Variants in KSR2 observed in about 807,000 individuals in gnomAD.
The protein encoded by KSR2 is kinase suppressor of ras 2.
Under a neutral mutation model 107.8 loss-of-function variants are expected in KSR2, and 25 were observed. The observed-to-expected ratio is 0.23, with a 90% CI of 0.17 to 0.32. The LOEUF is 0.32. Ranked by LOEUF, KSR2 falls within the 10% of genes least tolerant of loss-of-function variation. The pLI, the probability that KSR2 is intolerant of heterozygous loss-of-function variation, is 1.00. For missense variants in KSR2, 887 were observed against 1,268.9 expected (o/e 0.70, Z 4.57); for synonymous variants, 480 against 507.0 (o/e 0.95, Z 0.71).
At chr12:117,814,563 G>A (rs1409928514) in intron 3 of KSR2, among the ~76,000 whole-genome samples, 1 of 152,026 alleles carries the variant, frequency 6.6e-6, no homozygotes, top group Non-Finnish European at 1.5e-5. Flanking sequence ...TGCACAATGG[G>A]TACCTCAAAA....
chr12:117,525,745 A>C (rs957197331), intron 13 of KSR2, among the ~76,000 whole-genome samples: 9 of 152,246 alleles, frequency 5.9e-5, no homozygotes, highest in Admixed American at 1.3e-4. Flanking sequence ...CATGTAACAC[A>C]TGACAACTGC....
intron 4 of KSR2, among the ~76,000 whole-genome samples, chr12:117,720,645 G>A (rs1206994207): frequency 6.6e-6 from 1 of 152,178 alleles, no homozygotes; most frequent in Non-Finnish European, 1.5e-5. Context: ...TTAACCAAGG[G>A]CTCAAACATC....
chr12:117,734,318 T>C (rs940291860), intron 4 of KSR2, among the ~76,000 whole-genome samples: 3 of 148,658 alleles, frequency 2.0e-5, no homozygotes, highest in Admixed American at 6.7e-5. Flanking sequence ...ACTACACGAC[T>C]ACACAGAGGC....
intron 1 of KSR2, among the ~76,000 whole-genome samples, chr12:117,916,422 C>T (rs1895177550): frequency 6.6e-6 from 1 of 152,148 alleles, no homozygotes; most frequent in African/African-American, 2.4e-5. Context: ...CAGGCATGAG[C>T]CACCCCACCC....
chr12:117,948,898 A>C (rs1222553961), intron 1 of KSR2, among the ~76,000 whole-genome samples: 6 of 152,158 alleles, frequency 3.9e-5, no homozygotes, highest in Non-Finnish European at 7.3e-5. Context: ...GTTAAAGACC[A>C]GCCTGGCCAA....
At position 117,465,434 on chromosome 12, in the gene KSR2, G is replaced by A. The variant is rs1383323989; in HGVS notation, c.*1765C>T. Reference sequence around the variant, plus strand: ...TGGGAGTGTTGGAAAGGCAATTCAGGAGGGCCCTTTGGGAAACACAGGGGT... The same window carrying A: ...TGGGAGTGTTGGAAAGGCAATTCAGAAGGGCCCTTTGGGAAACACAGGGGT... On this transcript the variant is annotated 3_prime_UTR_variant, in exon 20 of 20. Coordinates refer to ENST00000339824, the MANE Select transcript of KSR2 (RefSeq NM_173598.6). 6.6e-6 allele frequency: 1 copy of A among 152,218 alleles called. No homozygotes were observed. Among genetic ancestry groups the A allele is most frequent in the Admixed American group, 6.5e-5 (1 of 15,286 alleles). 9.4% of individuals were successfully genotyped at this position (152,218 alleles called of 1,614,324 possible).
At chr12:117,819,308 A>G (rs1193626371) in intron 3 of KSR2, among the ~76,000 whole-genome samples, 1 of 152,184 alleles carries the variant, frequency 6.6e-6, no homozygotes, top group Non-Finnish European at 1.5e-5. Context: ...AGCAGAGTTT[A>G]GTTGCATTCT....
intron 4 of KSR2, among the ~76,000 whole-genome samples, chr12:117,739,535 C>G (rs980051126): frequency 7.9e-5 from 12 of 152,032 alleles, no homozygotes; most frequent in African/African-American, 2.9e-4. Flanking sequence ...CAATTAGTGC[C>G]GGGCATATCA....
chr12:117,725,718 G>C (rs1887398797), intron 4 of KSR2, among the ~76,000 whole-genome samples: 1 of 152,126 alleles, frequency 6.6e-6, no homozygotes, highest in African/African-American at 2.4e-5. Context: ...GGAACACCTA[G>C]GCAGATCACC....
intron 1 of KSR2, among the ~76,000 whole-genome samples, chr12:117,915,145 A>G (rs554314732): frequency 6.6e-6 from 1 of 152,358 alleles, no homozygotes; most frequent in African/African-American, 2.4e-5. Flanking sequence ...ATCTCAGTTC[A>G]GGCTTTTATA....
At chr12:117,618,919 T>A (rs1265405911) in intron 5 of KSR2, among the ~76,000 whole-genome samples, 1 of 152,208 alleles carries the variant, frequency 6.6e-6, no homozygotes, top group African/African-American at 2.4e-5. Context: ...GGTAGCTTGA[T>A]AATACCTTCA....
chr12:117,607,234 AG>A (rs1881326015), intron 5 of KSR2, among the ~76,000 whole-genome samples: 1 of 152,228 alleles, frequency 6.6e-6, no homozygotes, highest in Non-Finnish European at 1.5e-5. Flanking sequence ...AGGTAGGGCA[AG>A]GCTAGTTTGC....
chr12:117,613,543 G>A (rs1272319037), intron 5 of KSR2, among the ~76,000 whole-genome samples: 1 of 152,228 alleles, frequency 6.6e-6, no homozygotes, highest in Non-Finnish European at 1.5e-5. Flanking sequence ...CAGGGCATGG[G>A]ATTTGGCCTC....
intron 3 of KSR2, among the ~76,000 whole-genome samples, chr12:117,801,648 G>C (rs892332991): frequency 1.3e-5 from 2 of 152,056 alleles, no homozygotes; most frequent in African/African-American, 4.8e-5. Context: ...CAGATCTCAA[G>C]AGAACTCACT....
chr12:117,744,543 G>C (rs988863380), intron 4 of KSR2, among the ~76,000 whole-genome samples: 1 of 152,096 alleles, frequency 6.6e-6, no homozygotes, highest in Non-Finnish European at 1.5e-5. Flanking sequence ...GTTTATAGAG[G>C]GTCCAAGATC....
intron 7 of KSR2, among the ~76,000 whole-genome samples, chr12:117,559,449 C>A (rs11068540): frequency 0.097 from 14,727 of 152,194 alleles, 789 homozygotes; most frequent in Middle Eastern, 0.15. Flanking sequence ...ATTTAATCTT[C>A]GTAACAACTT....
intron 5 of KSR2, among the ~76,000 whole-genome samples, chr12:117,650,376 A>C (rs1242414955): frequency 6.6e-6 from 1 of 152,170 alleles, no homozygotes; most frequent in Admixed American, 6.5e-5. Flanking sequence ...TGATCGTGTA[A>C]GTTAATATTT....
At chr12:117,725,080 T>A (rs1317324279) in intron 4 of KSR2, among the ~76,000 whole-genome samples, 30 of 135,088 alleles carry the variant, frequency 2.2e-4, no homozygotes, top group African/African-American at 8.2e-4. Flanking sequence ...TCTCTCTCTC[T>A]CTCTCACACA....
intron 16 of KSR2, among the ~76,000 whole-genome samples, chr12:117,480,527 T>C (rs1287071838): frequency 6.6e-6 from 1 of 152,150 alleles, no homozygotes; most frequent in Admixed American, 6.5e-5. Context: ...AACAGCTGGA[T>C]GCTGGGGTCT....
Sources: gnomAD v4.1 joint callset for allele counts (sites outside exome capture counted in the v4.1 genomes callset) on GRCh38, gnomAD v4.1.1 for gene constraint, MANE v1.5 for transcripts, NCBI Gene and HGNC (gene_info 2026-07-23, HGNC 2026-07-21) for gene names.